UMODL1: variants seen among roughly 807,000 people sequenced by gnomAD.
The protein encoded by UMODL1 is uromodulin like 1, also known as uromodulin-like 1.
Under a neutral mutation model 136.3 loss-of-function variants are expected in UMODL1, and 128 were observed. The ratio of observed to expected loss-of-function variants is 0.94; its 90% CI spans 0.81 to 1.09. The LOEUF is 1.09. UMODL1 is among the 50% of genes least tolerant of loss of function. UMODL1 has a pLI of 0.00. For synonymous variants in UMODL1, 721 were observed against 720.0 expected (o/e 1.00, Z -0.02); for missense variants, 1,766 against 1,725.6 (o/e 1.02, Z -0.41).
At chr21:42,071,129 C>T (rs1057352508), upstream of UMODL1, among the ~76,000 whole-genome samples, 3 of 152,200 alleles carry the variant, frequency 2.0e-5, no homozygotes, top group African/African-American at 4.8e-5. Context: ...TGGGTGTTAA[C>T]GAGCAGGCAT....
chr21:42,108,919 CCCCA>C (rs1294994701), intron 9 of UMODL1, among the ~76,000 whole-genome samples: 486 of 119,468 alleles, frequency 4.1e-3, no homozygotes, highest in South Asian at 6.0e-3. Flanking sequence ...CCCCCACCCC[CCCCA>C]CGAGAGAAGT....
intron 2 of UMODL1, among the ~76,000 whole-genome samples, chr21:42,077,141 C>A (rs1210191835): frequency 1.3e-5 from 2 of 151,356 alleles, no homozygotes; most frequent in Non-Finnish European, 2.9e-5. Flanking sequence ...GCCTTGCACC[C>A]CCACTGTGGA....
chr21:42,077,016 T>A (rs2066301261), intron 2 of UMODL1, among the ~76,000 whole-genome samples: 4 of 107,754 alleles, frequency 3.7e-5, no homozygotes, highest in Admixed American at 1.7e-4. Flanking sequence ...TGTGTGTGTG[T>A]GTGTGTGTGT....
chr21:42,131,817 G>T (rs568931190), intron 21 of UMODL1, among the ~76,000 whole-genome samples: 48 of 152,344 alleles, frequency 3.2e-4, no homozygotes, highest in Admixed American at 5.2e-4. Flanking sequence ...TGTTGGTCAA[G>T]GTGCTGGGAC....
chr21:42,064,038 C>T (rs557106323), intron 1 of UMODL1, among the ~76,000 whole-genome samples: 2 of 152,174 alleles, frequency 1.3e-5, no homozygotes, highest in Admixed American at 6.5e-5. Context: ...ATAACCTGGC[C>T]GTTATATGGA....
chr21:42,082,639 C>T (rs998762900), intron 2 of UMODL1, among the ~76,000 whole-genome samples: 3 of 152,186 alleles, frequency 2.0e-5, no homozygotes, highest in South Asian at 2.1e-4. Flanking sequence ...CATGGCTGCC[C>T]TCAGCCTCGT....
intron 20 of UMODL1, among the ~76,000 whole-genome samples, chr21:42,128,432 C>T (rs535295760): frequency 3.3e-5 from 5 of 152,182 alleles, no homozygotes; most frequent in Admixed American, 2.0e-4. Context: ...TAGGGAGCTC[C>T]GCTGCTTTTT....
chr21:42,080,329 G>T (rs1038170161), intron 2 of UMODL1, among the ~76,000 whole-genome samples: 5 of 152,182 alleles, frequency 3.3e-5, no homozygotes, highest in Non-Finnish European at 7.4e-5. Context: ...ACTGGGAAGC[G>T]TGAAGGGCAG....
chr21:42,079,401 G>A (rs929499449), intron 2 of UMODL1, among the ~76,000 whole-genome samples: 5 of 152,264 alleles, frequency 3.3e-5, no homozygotes, highest in African/African-American at 1.2e-4. Context: ...CCAGGGCGAT[G>A]CCCTTGCAGT....
chr21:42,092,296 G>T (rs1049359928), intron 6 of UMODL1, among the ~76,000 whole-genome samples: 6 of 152,186 alleles, frequency 3.9e-5, no homozygotes, highest in Non-Finnish European at 8.8e-5. Flanking sequence ...CTCCCAGGGG[G>T]TCTCTCAAAA....
At chr21:42,138,409 A>G (rs1170659752) in intron 22 of UMODL1, among the ~76,000 whole-genome samples, 1 of 151,764 alleles carries the variant, frequency 6.6e-6, no homozygotes, top group Non-Finnish European at 1.5e-5. Flanking sequence ...CTTATGTATG[A>G]CCTTTTGAGG....
In UMODL1 at chr21:42,095,718, C is replaced by A. The variant is rs938164521; in HGVS notation, c.932-3208C>A. On this transcript the variant is annotated intron_variant, in intron 6 of 22. Coordinates refer to ENST00000408910, the MANE Select transcript of UMODL1 (RefSeq NM_001004416.3). ...AAAGCTTAGTAGTAAGGCAAGTGAACTTTGCTATTTCCTATTGTTCAGCTT... is the reference window on the plus strand; with the variant it reads ...AAAGCTTAGTAGTAAGGCAAGTGAAATTTGCTATTTCCTATTGTTCAGCTT... Among the ~76,000 whole-genome samples the A allele has an allele frequency of 3.3e-5, 5 of 152,180 alleles. 1 individual carries two copies. Among genetic ancestry groups the A allele is most frequent in the Admixed American group, 3.3e-4 (5 of 15,284 alleles).
At chr21:42,119,351 C>A in intron 15 of UMODL1, 27 bp downstream of exon 15, 2 of 1,604,006 alleles carry the variant, frequency 1.2e-6, no homozygotes, top group Non-Finnish European at 1.7e-6. Context: ...TGGAGCCTCT[C>A]CCGTGTTCTG....
Position 42,113,664 on chromosome 21 carries a change from C to A in UMODL1, c.2196C>A (p.Thr732=). 1 of 1,614,086 alleles carries A rather than the reference C, an allele frequency of 6.2e-7. No individual in the cohort carries two copies. Among genetic ancestry groups the A allele is most frequent in the Non-Finnish European group, 8.5e-7 (1 of 1,180,036 alleles). ...AWEADLAMDS[T]FQLTLTSMWS... The stretch of plus-strand genomic sequence containing the variant: ...AGGCGGATCTTGCTATGGACTCCAC[C>A]TTCCAGCTCACTCTGACTTCCATGT... The change falls in exon 13 of 23, where the codon ACC becomes ACA. Residue 732 remains threonine (T), a synonymous_variant. Transcript: ENST00000408910.
intron 22 of UMODL1, among the ~76,000 whole-genome samples, chr21:42,141,324 C>A (rs1301395758): frequency 6.6e-6 from 1 of 152,192 alleles, no homozygotes; most frequent in Non-Finnish European, 1.5e-5. Flanking sequence ...TTGTCTTTCC[C>A]GTCTCTCCTG....
At chr21:42,080,379 C>A (rs900752209) in intron 2 of UMODL1, among the ~76,000 whole-genome samples, 3 of 152,168 alleles carry the variant, frequency 2.0e-5, no homozygotes, top group Non-Finnish European at 4.4e-5. Context: ...CCAGGTCACC[C>A]GAGTGTGGGT....
intron 2 of UMODL1, among the ~76,000 whole-genome samples, chr21:42,077,304 A>G (rs1212090956): frequency 6.6e-6 from 1 of 152,054 alleles, no homozygotes; most frequent in East Asian, 1.9e-4. Flanking sequence ...TGTTGTACCC[A>G]GGCGAGTTAG....
chr21:42,085,172 T>C lies in UMODL1; in HGVS notation c.482-119T>C. 1.5e-6 allele frequency: 2 copies of C among 1,313,312 alleles called. No individual in the cohort carries two copies. The highest frequency in any genetic ancestry group is 2.9e-5 in the South Asian group (2 of 68,702). 81.4% of individuals were successfully genotyped at this position (1,313,312 alleles called of 1,614,324 possible). On this transcript the variant is annotated intron_variant, in intron 3 of 22. Coordinates refer to ENST00000408910, the MANE Select transcript of UMODL1 (RefSeq NM_001004416.3). The surrounding 1 kb of genome is among the most constrained non-coding windows in gnomAD (Gnocchi z 4.5). ...AGATGTCTTTTTGCAGGGAGGTAAA[T>C]GCAGAGCAGGGCCTCTCATGGCCTC...
intron 2 of UMODL1, among the ~76,000 whole-genome samples, chr21:42,079,391 C>G (rs1217137443): frequency 6.6e-6 from 1 of 152,228 alleles, no homozygotes; most frequent in Non-Finnish European, 1.5e-5. Context: ...TAGGGACTCA[C>G]CAGGGCGATG....
Sources: gnomAD v4.1 joint callset for allele counts (sites outside exome capture counted in the v4.1 genomes callset) on GRCh38, gnomAD v4.1.1 for gene constraint, Gnocchi (gnomAD v3.1) non-coding constraint, MANE v1.5 for transcripts, NCBI Gene and HGNC (gene_info 2026-07-23, HGNC 2026-07-21) for gene names.